The following SEMA3C variants were observed in gnomAD, a reference collection of about 807,000 sequenced individuals.
SEMA3C encodes semaphorin 3C.
In SEMA3C, 47 loss-of-function variants were observed where a neutral mutation model predicts 89.4. The ratio of observed to expected loss-of-function variants is 0.53; its 90% CI spans 0.42 to 0.67. The LOEUF (loss-of-function observed/expected upper bound fraction) is 0.67, where lower values mean the gene tolerates loss of function less well. SEMA3C is among the 30% of genes least tolerant of loss of function. The pLI, the probability that SEMA3C is intolerant of heterozygous loss-of-function variation, is 0.00. For missense variants in SEMA3C, 839 were observed against 929.1 expected (o/e 0.90, Z 1.26); for synonymous variants, 310 against 320.2 (o/e 0.97, Z 0.34).
chr7:80,808,628 A>G (rs1057169916), intron 6 of SEMA3C, among the ~76,000 whole-genome samples: 7 of 152,158 alleles, frequency 4.6e-5, no homozygotes, highest in African/African-American at 1.2e-4. Context: ...GAACCAAAGC[A>G]AGCATTTTGA....
At position 80,805,649 on chromosome 7, in the gene SEMA3C, T is replaced by A; in HGVS notation, c.648A>T (p.Lys216Asn). The part of the protein sequence containing the change: ...NAVRTDQHNS[K>N]WLSEPMFVDA... ...CAAATGCTTTCTTACCACTTAGCCATTTGGAATTATGTTGATCAGTTCTGA... is the reference window on the plus strand; with the variant it reads ...CAAATGCTTTCTTACCACTTAGCCAATTGGAATTATGTTGATCAGTTCTGA... Residue 216 changes from lysine to asparagine, a missense_variant, in exon 7 of 18, where the codon AAA (lysine) becomes AAT (asparagine). By Grantham distance (94) the Lys-to-Asn change is moderately conservative (BLOSUM62 0). Transcript: ENST00000265361. The A allele has an allele frequency of 6.3e-7, 1 of 1,599,552 alleles. No individual in the cohort carries two copies.
Position 80,910,391 on chromosome 7 carries a change from C to T in SEMA3C, c.103+6288G>A, listed in dbSNP as rs139998799. 1.8e-3 allele frequency among the ~76,000 whole-genome samples: 273 copies of T among 152,256 alleles called. 1 individual carries two copies. Among genetic ancestry groups the T allele is most frequent in the African/African-American group, 6.1e-3 (255 of 41,556 alleles). On this transcript the variant is annotated intron_variant, in intron 2 of 17. Transcript: ENST00000265361. Reference sequence around the variant, plus strand: ...CAATTTAAAACGTGGAACATACTTGCCATCTTTTACAGCTCAGCAAATTGT... The same window carrying T: ...CAATTTAAAACGTGGAACATACTTGTCATCTTTTACAGCTCAGCAAATTGT...
chr7:80,894,440 A>G (rs529291398), intron 2 of SEMA3C, among the ~76,000 whole-genome samples: 1 of 152,264 alleles, frequency 6.6e-6, no homozygotes, highest in African/African-American at 2.4e-5. Flanking sequence ...TCAATATTAC[A>G]AGAATTTTTT....
Position 80,805,889 on chromosome 7 carries a change from G to C in SEMA3C, c.539-131C>G, listed in dbSNP as rs186721625. On this transcript the variant is annotated intron_variant, in intron 6 of 17. Coordinates refer to ENST00000265361, the MANE Select transcript of SEMA3C (RefSeq NM_006379.5). ...TAATTGGTTATAACAAATATTAATT[G>C]GTTTGCATTGTCCAGCAAATCAATA... The C allele has an allele frequency of 5.2e-3, 2,673 of 512,436 alleles. 12 individuals are homozygous for C. Among genetic ancestry groups the C allele is most frequent in the Middle Eastern group, 7.8e-3 (15 of 1,932 alleles). The allele number at this position is 512,436 out of a possible 1,614,324, so 31.7% of individuals were successfully genotyped here. A position where few individuals can be genotyped will look rare whatever the true frequency, so the allele number is the denominator to read the frequency against.
chr7:80,919,510 A>G (rs1420122498), upstream of SEMA3C, among the ~76,000 whole-genome samples: 1 of 151,948 alleles, frequency 6.6e-6, no homozygotes, highest in African/African-American at 2.4e-5. Flanking sequence ...CTTTTAAGGC[A>G]AAGAGATGCG....
chr7:80,828,857 T>C, intron 2 of SEMA3C, 112 bp from the exon 3 acceptor site: 1 of 810,414 alleles, frequency 1.2e-6, no homozygotes. Flanking sequence ...TACATTTTCT[T>C]CTACAGTAAG....
At position 80,909,181 on chromosome 7, in the gene SEMA3C, G is replaced by C. The variant is rs531975330; in HGVS notation, c.103+7498C>G. On this transcript the variant is annotated intron_variant, in intron 2 of 17. Coordinates refer to ENST00000265361, the MANE Select transcript of SEMA3C (RefSeq NM_006379.5). Reference sequence around the variant, plus strand: ...ATCTGTAGAAAGTCAAAATCTATAAGGAAATAAGTTTTTCCTAAAATAATT... The same window carrying C: ...ATCTGTAGAAAGTCAAAATCTATAACGAAATAAGTTTTTCCTAAAATAATT... Among the ~76,000 whole-genome samples the C allele has an allele frequency of 8.5e-5, 13 of 152,112 alleles. No homozygotes were observed. In the East Asian group the frequency reaches 2.3e-3, roughly 27 times the overall value.
At chr7:80,914,587 T>G (rs1307900294) in intron 2 of SEMA3C, among the ~76,000 whole-genome samples, 1 of 152,176 alleles carries the variant, frequency 6.6e-6, no homozygotes, top group East Asian at 1.9e-4. Flanking sequence ...GATACATCTC[T>G]TTTAAACAGT....
intron 2 of SEMA3C, among the ~76,000 whole-genome samples, chr7:80,846,767 G>T (rs959095683): frequency 6.6e-6 from 1 of 152,108 alleles, no homozygotes; most frequent in African/African-American, 2.4e-5. Flanking sequence ...ATAACTAATT[G>T]TAATTACATA....
chr7:80,802,312 C>G (rs1789227565), intron 9 of SEMA3C, among the ~76,000 whole-genome samples: 1 of 151,958 alleles, frequency 6.6e-6, no homozygotes, highest in Admixed American at 6.6e-5. Context: ...TATTTTCACA[C>G]AAAATCAGAA....
At chr7:80,858,503 A>T (rs1790695347) in intron 2 of SEMA3C, among the ~76,000 whole-genome samples, 1 of 152,216 alleles carries the variant, frequency 6.6e-6, no homozygotes, top group African/African-American at 2.4e-5. Context: ...GTTTGAGATT[A>T]GAGTTTTAGG....
At chr7:80,759,363 A>T (rs1220991125) in intron 14 of SEMA3C, among the ~76,000 whole-genome samples, 1 of 152,172 alleles carries the variant, frequency 6.6e-6, no homozygotes, top group Non-Finnish European at 1.5e-5. Context: ...ATGCACATAC[A>T]TATACATTTA....
At chr7:80,898,086 A>G (rs927624388) in intron 2 of SEMA3C, among the ~76,000 whole-genome samples, 3 of 152,194 alleles carry the variant, frequency 2.0e-5, no homozygotes, top group Middle Eastern at 3.4e-3. Context: ...AAAATAAGCC[A>G]GGCATGGTGG....
chr7:80,748,846 T>C, intron 17 of SEMA3C, 52 bp downstream of exon 17: 1 of 1,527,414 alleles, frequency 6.5e-7, no homozygotes, highest in Non-Finnish European at 8.8e-7. Flanking sequence ...GGACAGTGAT[T>C]TAATGTTCTC....
At chr7:80,781,659 T>G (rs1194238324) in intron 12 of SEMA3C, among the ~76,000 whole-genome samples, 1 of 152,170 alleles carries the variant, frequency 6.6e-6, no homozygotes, top group African/African-American at 2.4e-5. Context: ...CTGCCAAGTC[T>G]GCCTCAGGGA....
chr7:80,802,860 G>T, intron 8 of SEMA3C, 81 bp from the exon 9 acceptor site: 1 of 921,426 alleles, frequency 1.1e-6, no homozygotes. Context: ...TACTCTAGTT[G>T]CTTGGAGGAT....
chr7:80,911,405 G>T (rs376179928), intron 2 of SEMA3C, among the ~76,000 whole-genome samples: 102 of 152,096 alleles, frequency 6.7e-4, no homozygotes, highest in African/African-American at 2.2e-3. Flanking sequence ...GTATAACTTT[G>T]GTTCTAGATA....
intron 2 of SEMA3C, among the ~76,000 whole-genome samples, chr7:80,840,438 G>T (rs1296377746): frequency 6.8e-6 from 1 of 147,650 alleles, no homozygotes; most frequent in Non-Finnish European, 1.5e-5. Context: ...AGGATCACTT[G>T]AGCATGGGAG....
intron 2 of SEMA3C, among the ~76,000 whole-genome samples, chr7:80,840,518 GAAAAAAAAA>G (rs1171113816): frequency 0.013 from 1,105 of 82,526 alleles, 20 homozygotes; most frequent in African/African-American, 0.048. Flanking sequence ...CTGTCTCCAG[GAAAAAAAAA>G]AAAAAAAAAA....
Sources: gnomAD v4.1 joint callset for allele counts (sites outside exome capture counted in the v4.1 genomes callset) on GRCh38, gnomAD v4.1.1 for gene constraint, MANE v1.5 for transcripts, NCBI Gene and HGNC (gene_info 2026-07-23, HGNC 2026-07-21) for gene names.